GPR132: variants seen among roughly 807,000 people sequenced by gnomAD.
The protein encoded by GPR132 is G protein-coupled receptor 132.
Under a neutral mutation model 1.9 loss-of-function variants are expected in GPR132, and 4 were observed. That is an observed-to-expected ratio of 2.13 (90% confidence interval 1.05 to 4.87). The LOEUF is 4.87. Ranked by LOEUF, GPR132 falls within the 30% of genes most tolerant of loss-of-function variation. The probability of loss-of-function intolerance (pLI) is 0.01; values close to 1 mark genes in which losing one functional copy is unlikely to be tolerated. For synonymous variants in GPR132, 233 were observed against 234.2 expected (o/e 0.99, Z 0.05); for missense variants, 404 against 512.5 (o/e 0.79, Z 2.04).
chr14:105,057,066 AT>A, intron 2 of GPR132, 100 bp downstream of exon 2: 2 of 828,140 alleles, frequency 2.4e-6, no homozygotes, highest in East Asian at 2.7e-5. Flanking sequence ...TCGATAATCT[AT>A]TTTTATGCGT....
Position 105,052,009 on chromosome 14 carries a change from A to G in GPR132, c.128T>C (p.Ile43Thr). The stretch of plus-strand genomic sequence containing the variant: ...CGCGCTGTACACCACGACCAGGACT[A>G]TCCTGCTCTCTTCGAAGGACACGTT... ...CNNVSFEESR[I>T]VLVVVYSAVC... The change falls in exon 4 of 4, where the codon ATA becomes ACA. Residue 43 changes from isoleucine to threonine, a missense_variant. By Grantham distance (89) the Ile-to-Thr change is moderately conservative (BLOSUM62 -1). Coordinates refer to ENST00000329797, the MANE Select transcript of GPR132 (RefSeq NM_013345.4). The G allele has an allele frequency of 6.2e-7, 1 of 1,612,024 alleles. No homozygotes were observed. The highest frequency in any genetic ancestry group is 8.5e-7 in the Non-Finnish European group (1 of 1,179,722).
chr14:105,057,351 G>A (rs997022630), intron 1 of GPR132, 71 bp from the exon 2 acceptor site: 18 of 592,470 alleles, frequency 3.0e-5, no homozygotes, highest in Non-Finnish European at 4.5e-5. Context: ...ATTGACAAAC[G>A]GCTAGTGAGT....
At chr14:105,064,067 G>A (rs1054456601) in intron 1 of GPR132, among the ~76,000 whole-genome samples, 1 of 152,094 alleles carries the variant, frequency 6.6e-6, no homozygotes, top group Non-Finnish European at 1.5e-5. Context: ...TCGAACTCCT[G>A]ACCTCAGGTG....
At chr14:105,061,891 T>A (rs755619858) in intron 1 of GPR132, among the ~76,000 whole-genome samples, 20 of 152,186 alleles carry the variant, frequency 1.3e-4, no homozygotes, top group Non-Finnish European at 2.8e-4. Flanking sequence ...GTGCAGACTT[T>A]CACTTCTGAA....
At position 105,057,108 on chromosome 14, in the gene GPR132, A is replaced by G. The variant is rs920153972; in HGVS notation, c.-747+59T>C. 4 of 1,337,778 alleles carry G rather than the reference A, an allele frequency of 3.0e-6. No individual in the cohort carries two copies. The African/African-American group carries it at 5.8e-5, about 19-fold the overall frequency. 82.9% of individuals were successfully genotyped at this position (1,337,778 alleles called of 1,614,324 possible). A position where few individuals can be genotyped will look rare whatever the true frequency, so the allele number is the denominator to read the frequency against. ...TTTGAATTATGAGACAACATGCTTC[A>G]TGGAAAAATTCTCATGGGCTTCCTC... On this transcript the variant is annotated intron_variant, in intron 2 of 3. Coordinates refer to ENST00000329797, the MANE Select transcript of GPR132 (RefSeq NM_013345.4).
chr14:105,053,404 CCCT>C lies in GPR132; in HGVS notation c.35-1305_35-1303del, dbSNP rs542264186. Among the ~76,000 whole-genome samples, 93 of 152,258 alleles carry C rather than the reference CCCT, an allele frequency of 6.1e-4. 1 individual carries two copies. In the East Asian group the frequency reaches 0.017, roughly 28 times the overall value. ...TGAACTCCCGACCTCAGGTGATCTGCCCTCCTTGGCCTCCCAAAGTGCTGGGAT... is the reference window on the plus strand; with the variant it reads ...TGAACTCCCGACCTCAGGTGATCTGCCCTTGGCCTCCCAAAGTGCTGGGAT... On this transcript the variant is annotated intron_variant, in intron 3 of 3. Transcript: ENST00000329797.
rs1886571532 is a variant in GPR132 at position 105,049,450 on chromosome 14, A to T, written c.*1544T>A. 1 of 151,982 alleles carries T rather than the reference A, an allele frequency of 6.6e-6. No individual in the cohort carries two copies. The highest frequency in any genetic ancestry group is 2.4e-5 in the African/African-American group (1 of 41,348). The allele number at this position is 151,982 out of a possible 1,614,324, so 9.4% of individuals were successfully genotyped here. On this transcript the variant is annotated 3_prime_UTR_variant, in exon 4 of 4. Coordinates refer to ENST00000329797, the MANE Select transcript of GPR132 (RefSeq NM_013345.4). ...ATTTTTTTAATACCAAAAAAAAGAG[A>T]CAAGATTTTGCCATGTTGCCGAGGC...
At chr14:105,064,804 G>A (rs1029321903) in intron 1 of GPR132, among the ~76,000 whole-genome samples, 3 of 152,058 alleles carry the variant, frequency 2.0e-5, no homozygotes, top group African/African-American at 4.8e-5. Context: ...TGGGCCCCCC[G>A]CCCCGCTGTG....
At position 105,055,023 on chromosome 14, in the gene GPR132, CAAAAAAAA is replaced by C. The variant is rs35863392; in HGVS notation, c.34+356_34+363del. Among the ~76,000 whole-genome samples the C allele has an allele frequency of 2.2e-3, 199 of 91,298 alleles. 5 individuals carry two copies. The East Asian group carries it at 0.035, about 16-fold the overall frequency. 59.9% of individuals were successfully genotyped at this position (91,298 alleles called of 152,430 possible). ...AGGGCAACAGAGCAAGACTCCATCT[CAAAAAAAA>C]AAAAAAAAAAAAAATTCGGCCCCAT... On this transcript the variant is annotated intron_variant, in intron 3 of 3. Coordinates refer to ENST00000329797, the MANE Select transcript of GPR132 (RefSeq NM_013345.4). The surrounding 1 kb of genome is among the most constrained non-coding windows in gnomAD (Gnocchi z 4.7).
intron 3 of GPR132, among the ~76,000 whole-genome samples, chr14:105,054,753 A>C (rs1365735803): frequency 6.7e-6 from 1 of 149,742 alleles, no homozygotes; most frequent in Non-Finnish European, 1.5e-5. Flanking sequence ...GCATTTAAAA[A>C]ATTCAGCTGG....
At position 105,055,258 on chromosome 14, in the gene GPR132, C is replaced by A. The variant is rs1320416945; in HGVS notation, c.34+129G>T. The A allele has an allele frequency of 9.5e-6, 7 of 738,226 alleles. No individual in the cohort carries two copies. Among genetic ancestry groups the A allele is most frequent in the African/African-American group, 6.9e-5 (4 of 57,618 alleles). The allele number at this position is 738,226 out of a possible 1,614,324, so 45.7% of individuals were successfully genotyped here. On this transcript the variant is annotated intron_variant, in intron 3 of 3. Transcript: ENST00000329797. The surrounding 1 kb of genome is among the most constrained non-coding windows in gnomAD (Gnocchi z 4.7). ...AGGAGAATCCCTTGAACCTGGGAGGCAGAAGCTGCAGTGAGCCGAGATTGT... is the reference window on the plus strand; with the variant it reads ...AGGAGAATCCCTTGAACCTGGGAGGAAGAAGCTGCAGTGAGCCGAGATTGT...
At position 105,056,175 on chromosome 14, in the gene GPR132, A is replaced by C; in HGVS notation, c.-746-9T>G. On this transcript the variant is annotated splice_polypyrimidine_tract_variant and intron_variant, in intron 2 of 3. Coordinates refer to ENST00000329797, the MANE Select transcript of GPR132 (RefSeq NM_013345.4). This position sits in a 1 kb window ranked among gnomAD's most constrained non-coding sequence, Gnocchi z 6.0. ...CTTGCTCACCTTCCTCCCTGGGCAGAGGGAGAGAGTGGGTGTGACTGGGCT... is the reference window on the plus strand; with the variant it reads ...CTTGCTCACCTTCCTCCCTGGGCAGCGGGAGAGAGTGGGTGTGACTGGGCT... The C allele has an allele frequency of 1.0e-6, 1 of 986,006 alleles. No homozygotes were observed. Among genetic ancestry groups the C allele is most frequent in the Non-Finnish European group, 1.2e-6 (1 of 830,226 alleles). 61.1% of individuals were successfully genotyped at this position (986,006 alleles called of 1,614,324 possible).
In GPR132 at chr14:105,059,584, G is replaced by A. The variant is rs185025547; in HGVS notation, c.-860-2304C>T. On this transcript the variant is annotated intron_variant, in intron 1 of 3. Coordinates refer to ENST00000329797, the MANE Select transcript of GPR132 (RefSeq NM_013345.4). This position sits in a 1 kb window ranked among gnomAD's most constrained non-coding sequence, Gnocchi z 4.2. ...TTGTCTCTCGCCTACCTGTGTAGGC[G>A]AGAGACAAATGGTTGGGAAGCCCCC... Among the ~76,000 whole-genome samples, 113 of 151,802 alleles carry A rather than the reference G, an allele frequency of 7.4e-4. 2 individuals carry two copies. Among genetic ancestry groups the A allele is most frequent in the Admixed American group, 2.9e-3 (44 of 15,254 alleles).
intron 1 of GPR132, 52 bp from the exon 2 acceptor site, chr14:105,057,332 A>C: frequency 1.6e-6 from 1 of 623,774 alleles, no homozygotes; most frequent in African/African-American, 1.8e-5. Flanking sequence ...TTGAGTCACA[A>C]GTTAACCCAT....
Position 105,055,310 on chromosome 14 carries a change from G to A in GPR132, c.34+77C>T. 1 of 779,388 alleles carries A rather than the reference G, an allele frequency of 1.3e-6. No individual in the cohort carries two copies. The highest frequency in any genetic ancestry group is 2.4e-6 in the Non-Finnish European group (1 of 417,000). The allele number at this position is 779,388 out of a possible 1,614,324, so 48.3% of individuals were successfully genotyped here. On this transcript the variant is annotated intron_variant, in intron 3 of 3. Transcript: ENST00000329797. This position sits in a 1 kb window ranked among gnomAD's most constrained non-coding sequence, Gnocchi z 4.7. ...CCACTGCACTCCAGCCTGGGCGATA[G>A]AGTGAGACTCAATCGCAAGAAAAAA...
Position 105,051,696 on chromosome 14 carries a change from C to A in GPR132, c.441G>T (p.Ala147=), listed in dbSNP as rs745430968. 4.7e-5 allele frequency: 76 copies of A among 1,613,868 alleles called. No individual in the cohort carries two copies. Among genetic ancestry groups the A allele is most frequent in the Non-Finnish European group, 6.3e-5 (74 of 1,180,054 alleles). ...GGCGGCGGCGGCCCCGACTCTCCAG[C>A]GCGTACACCACGGCCACGAAGCGGT... The part of the protein sequence containing the change: ...SCDRFVAVVY[A]LESRGRRRRR... The change falls in exon 4 of 4, where the codon GCG becomes GCT. Residue 147 remains alanine, a synonymous_variant. Transcript: ENST00000329797. The surrounding 1 kb of genome is among the most constrained non-coding windows in gnomAD (Gnocchi z 8.0).
rs766510462 is a variant in GPR132 at position 105,051,673 on chromosome 14, C to T, written c.464G>A (p.Arg155His). 19 of 1,613,568 alleles carry T rather than the reference C, an allele frequency of 1.2e-5. No homozygotes were observed. The highest frequency in any genetic ancestry group is 2.2e-5 in the South Asian group (2 of 91,092). Residue 155 changes from arginine to histidine, a missense_variant, in exon 4 of 4, where the codon CGC becomes CAC. Coordinates refer to ENST00000329797, the MANE Select transcript of GPR132 (RefSeq NM_013345.4). This position sits in a 1 kb window ranked among gnomAD's most constrained non-coding sequence, Gnocchi z 8.0. Reference protein sequence around the residue: ...VYALESRGRRRRRTAILISAC... With the variant: ...VYALESRGRRHRRTAILISAC... ...GGAGATGAGGATGGCGGTCCTCCGG[C>T]GGCGGCGGCCCCGACTCTCCAGCGC...
In GPR132 at chr14:105,051,300, C is replaced by T; in HGVS notation, c.837G>A (p.Met279Ile). Residue 279 changes from methionine to isoleucine, a missense_variant, in exon 4 of 4, where the codon ATG (methionine) becomes ATA (isoleucine). Physicochemically the swap from Met to Ile is conservative, Grantham distance 10. Transcript: ENST00000329797. This position sits in a 1 kb window ranked among gnomAD's most constrained non-coding sequence, Gnocchi z 8.0. ...TGTACAGCCTTTCCTCCAAGCCGCA[C>T]ATGGCGTTCCTGTCTCCTCTGTAGT... is the stretch of plus-strand genomic sequence containing the variant. ...FSYYRGDRNA[M>I]CGLEERLYTA... The T allele has an allele frequency of 6.2e-7, 1 of 1,614,040 alleles. No individual in the cohort carries two copies. The highest frequency in any genetic ancestry group is 8.5e-7 in the Non-Finnish European group (1 of 1,179,880).
Position 105,055,048 on chromosome 14 carries a change from C to G in GPR132, c.34+339G>C, listed in dbSNP as rs1030939766. Among the ~76,000 whole-genome samples, 19 of 139,230 alleles carry G rather than the reference C, an allele frequency of 1.4e-4. No individual in the cohort carries two copies. The highest frequency in any genetic ancestry group is 1.1e-4 in the Non-Finnish European group (7 of 65,116). 91.3% of individuals were successfully genotyped at this position (139,230 alleles called of 152,430 possible). On this transcript the variant is annotated intron_variant, in intron 3 of 3. Coordinates refer to ENST00000329797, the MANE Select transcript of GPR132 (RefSeq NM_013345.4). The surrounding 1 kb of genome is among the most constrained non-coding windows in gnomAD (Gnocchi z 4.7). ...CAAAAAAAAAAAAAAAAAAAAAATT[C>G]GGCCCCATGGGCCGTTCATTCCTTC...
Sources: gnomAD v4.1 joint callset for allele counts (sites outside exome capture counted in the v4.1 genomes callset) on GRCh38, gnomAD v4.1.1 for gene constraint, Gnocchi (gnomAD v3.1) non-coding constraint, MANE v1.5 for transcripts, NCBI Gene and HGNC (gene_info 2026-07-23, HGNC 2026-07-21) for gene names.